NRXN1: variants seen among roughly 807,000 people sequenced by gnomAD.
The protein encoded by NRXN1 is neurexin 1.
In NRXN1, 39 loss-of-function variants were observed where a neutral mutation model predicts 150.9. The ratio of observed to expected loss-of-function variants is 0.26; its 90% CI spans 0.20 to 0.34. NRXN1 has a LOEUF of 0.34. NRXN1 is among the 10% of genes least tolerant of loss of function. NRXN1 has a pLI of 1.00. For missense variants in NRXN1, 1,815 were observed against 1,949.9 expected, an observed-to-expected ratio of 0.93 and a Z score of 1.30; for synonymous variants, 924 against 757.0, an observed-to-expected ratio of 1.22 and a Z score of -3.62.
intron 17 of NRXN1, among the ~76,000 whole-genome samples, chr2:50,278,242 A>ATATATATGTATCATATATAT (rs1553368219): frequency 8.5e-6 from 1 of 118,298 alleles, no homozygotes; most frequent in Non-Finnish European, 1.6e-5. Flanking sequence ...TATATATATA[A>ATATATATGTATCATATATAT]TATATATATA....
intron 17 of NRXN1, among the ~76,000 whole-genome samples, chr2:50,370,509 C>A (rs570878372): frequency 6.6e-6 from 1 of 152,068 alleles, no homozygotes; most frequent in East Asian, 1.9e-4. Flanking sequence ...ATAAAAAAAA[C>A]AAAGAGATGT....
chr2:50,567,043 C>T (rs1669984513), intron 8 of NRXN1, among the ~76,000 whole-genome samples: 2 of 152,284 alleles, frequency 1.3e-5, no homozygotes, highest in Non-Finnish European at 2.9e-5. Flanking sequence ...TACTCTCTTT[C>T]TCTCTTGATG....
intron 21 of NRXN1, among the ~76,000 whole-genome samples, chr2:49,957,365 A>G (rs1311332690): frequency 6.6e-6 from 1 of 152,182 alleles, no homozygotes; most frequent in African/African-American, 2.4e-5. Flanking sequence ...TATTTATTAC[A>G]TAGATACAAC....
intron 17 of NRXN1, among the ~76,000 whole-genome samples, chr2:50,334,816 G>A (rs552664903): frequency 1.3e-5 from 2 of 152,232 alleles, no homozygotes; most frequent in Non-Finnish European, 2.9e-5. Context: ...ACTTATTGCT[G>A]GCACTTACAT....
chr2:50,199,793 T>A (rs1057069454), intron 18 of NRXN1, among the ~76,000 whole-genome samples: 3 of 152,138 alleles, frequency 2.0e-5, no homozygotes, highest in Admixed American at 6.6e-5. Context: ...GGTCCACTCC[T>A]CTTTTCTTAA....
chr2:50,636,385 C>T (rs909013962), intron 5 of NRXN1, among the ~76,000 whole-genome samples: 1 of 152,172 alleles, frequency 6.6e-6, no homozygotes, highest in Admixed American at 6.5e-5. Flanking sequence ...CATTTTCCCT[C>T]CTGGCAAAGT....
intron 5 of NRXN1, among the ~76,000 whole-genome samples, chr2:50,730,476 A>G (rs1399747061): frequency 1.3e-5 from 2 of 152,130 alleles, no homozygotes; most frequent in Non-Finnish European, 2.9e-5. Context: ...CCAGTCAATG[A>G]GAGGATCAGA....
intron 5 of NRXN1, among the ~76,000 whole-genome samples, chr2:50,697,009 C>A (rs1574140636): frequency 6.6e-6 from 1 of 152,094 alleles, no homozygotes; most frequent in African/African-American, 2.4e-5. Context: ...TTACTTACTT[C>A]AAGCACCTTA....
At chr2:50,318,951 AATT>A (rs1427385313) in intron 17 of NRXN1, among the ~76,000 whole-genome samples, 1 of 152,120 alleles carries the variant, frequency 6.6e-6, no homozygotes, top group East Asian at 1.9e-4. Flanking sequence ...TTTAAAGGTA[AATT>A]ATTATCACAA....
At chr2:50,949,511 G>T (rs963270166) in intron 2 of NRXN1, among the ~76,000 whole-genome samples, 3 of 151,988 alleles carry the variant, frequency 2.0e-5, no homozygotes, top group African/African-American at 4.8e-5. Context: ...CCACAATTCT[G>T]ATACAATAAT....
At chr2:50,114,521 AG>A (rs1299632904) in intron 18 of NRXN1, among the ~76,000 whole-genome samples, 5 of 152,316 alleles carry the variant, frequency 3.3e-5, no homozygotes, top group African/African-American at 1.2e-4. Context: ...TAACCAGAAG[AG>A]CTGAGAATTT....
At chr2:50,427,879 T>G (rs571622381) in intron 17 of NRXN1, among the ~76,000 whole-genome samples, 1 of 152,322 alleles carries the variant, frequency 6.6e-6, no homozygotes, top group South Asian at 2.1e-4. Context: ...TGCCTGACTT[T>G]AGAGAGAATC....
At chr2:50,456,244 A>G (rs1167571385) in intron 17 of NRXN1, among the ~76,000 whole-genome samples, 1 of 152,076 alleles carries the variant, frequency 6.6e-6, no homozygotes, top group African/African-American at 2.4e-5. Flanking sequence ...AATCATTTCA[A>G]GTTAAGAAAT....
chr2:50,876,036 G>A (rs777962954), intron 5 of NRXN1, among the ~76,000 whole-genome samples: 2 of 151,760 alleles, frequency 1.3e-5, no homozygotes, highest in Non-Finnish European at 2.9e-5. Context: ...CAGGGATTCT[G>A]TCATGCTGGG....
At position 50,346,798 on chromosome 2, in the gene NRXN1, G is replaced by T. The variant is rs768949486; in HGVS notation, c.3365-109828C>A. ...GATGTGGTGCGCTCCCAAACTGGAT[G>T]CCCCCCACGCCACTCCTAGGAGGCC... On this transcript the variant is annotated intron_variant, in intron 17 of 22. Transcript: ENST00000401669. This position sits in a 1 kb window ranked among gnomAD's most constrained non-coding sequence, Gnocchi z 5.0. The T allele has an allele frequency of 6.2e-7, 1 of 1,613,446 alleles. No homozygotes were observed. The highest frequency in any genetic ancestry group is 8.5e-7 in the Non-Finnish European group (1 of 1,179,890).
chr2:50,737,547 G>C (rs1018408874), intron 5 of NRXN1, among the ~76,000 whole-genome samples: 2 of 152,160 alleles, frequency 1.3e-5, no homozygotes, highest in African/African-American at 4.8e-5. Flanking sequence ...TCATTTCAAA[G>C]TCCGTGACCT....
intron 19 of NRXN1, among the ~76,000 whole-genome samples, chr2:50,061,296 AG>A (rs372907436): frequency 2.9e-4 from 44 of 152,218 alleles, no homozygotes; most frequent in African/African-American, 9.9e-4. Flanking sequence ...TGATTGGGAA[AG>A]GTCAAAGGCA....
chr2:50,508,953 G>C (rs1381386591), intron 12 of NRXN1, among the ~76,000 whole-genome samples: 2 of 152,054 alleles, frequency 1.3e-5, no homozygotes, highest in Non-Finnish European at 2.9e-5. Context: ...CACTAGACTG[G>C]GAGTTAAGAA....
chr2:50,665,806 T>A (rs939378649), intron 5 of NRXN1, among the ~76,000 whole-genome samples: 5 of 151,872 alleles, frequency 3.3e-5, no homozygotes, highest in Non-Finnish European at 5.9e-5. Context: ...AGTGTAGAAC[T>A]GTGAAAAAAA....
Sources: gnomAD v4.1 joint callset for allele counts (sites outside exome capture counted in the v4.1 genomes callset) on GRCh38, gnomAD v4.1.1 for gene constraint, Gnocchi (gnomAD v3.1) non-coding constraint, MANE v1.5 for transcripts, NCBI Gene and HGNC (gene_info 2026-07-23, HGNC 2026-07-21) for gene names.